NALCN: variants seen among roughly 807,000 people sequenced by gnomAD.
The protein encoded by NALCN is sodium leak channel, non-selective.
A neutral mutation model predicts 225.3 loss-of-function variants in NALCN; 111 were observed. The ratio of observed to expected loss-of-function variants is 0.49; its 90% CI spans 0.42 to 0.58. The LOEUF (loss-of-function observed/expected upper bound fraction) is 0.58. Among genes scored for constraint, NALCN ranks in the 20% least tolerant of loss-of-function variants. The probability of loss-of-function intolerance (pLI) is 0.00; values close to 1 mark genes in which losing one functional copy is unlikely to be tolerated. For synonymous variants in NALCN, 764 were observed against 769.0 expected (o/e 0.99, Z 0.11); for missense variants, 1,378 against 2,202.4 (o/e 0.63, Z 7.49).
chr13:101,318,171 C>T (rs976802337), intron 7 of NALCN, among the ~76,000 whole-genome samples: 2 of 152,196 alleles, frequency 1.3e-5, no homozygotes, highest in African/African-American at 2.4e-5. Context: ...ACCCGCTGGG[C>T]TCGTTCTGCC....
chr13:101,304,788 G>T lies in NALCN; in HGVS notation c.800-12422C>A, dbSNP rs368222105. 4.1e-3 allele frequency among the ~76,000 whole-genome samples: 494 copies of T among 119,386 alleles called. 2 individuals are homozygous for T. Among genetic ancestry groups the T allele is most frequent in the African/African-American group, 0.015 (449 of 30,056 alleles). The allele number at this position is 119,386 out of a possible 152,430, so 78.3% of individuals were successfully genotyped here. On this transcript the variant is annotated intron_variant, in intron 7 of 43. Coordinates refer to ENST00000251127, the MANE Select transcript of NALCN (RefSeq NM_052867.4). ...TTTTTTTTTTTTGAGACGGAATCTT[G>T]CTCTGTTGCCAGGCTAGGGTGCGGT...
intron 28 of NALCN, among the ~76,000 whole-genome samples, 182 bp from the exon 29 acceptor site, chr13:101,090,148 A>G (rs1277202085): frequency 6.6e-6 from 1 of 152,128 alleles, no homozygotes; most frequent in African/African-American, 2.4e-5. Context: ...ATGTATACAC[A>G]CACATTTTTA....
intron 15 of NALCN, among the ~76,000 whole-genome samples, chr13:101,166,729 T>C (rs1010527596): frequency 6.6e-6 from 1 of 152,224 alleles, no homozygotes; most frequent in East Asian, 1.9e-4. Flanking sequence ...CAAGTGTTTT[T>C]AAGTTTAATG....
At chr13:101,312,151 G>C (rs1268513690) in intron 7 of NALCN, among the ~76,000 whole-genome samples, 1 of 152,168 alleles carries the variant, frequency 6.6e-6, no homozygotes, top group Non-Finnish European at 1.5e-5. Flanking sequence ...TTTGCGTAGA[G>C]GTGTTTGTAA....
rs759613108 is a variant in NALCN, at chr13:101,103,355, T to G, written c.2890-16A>C. On this transcript the variant is annotated splice_polypyrimidine_tract_variant and intron_variant, in intron 25 of 43. Transcript: ENST00000251127. The stretch of plus-strand genomic sequence containing the variant: ...TCAAGCTCACCTAAAGGGGAACAAA[T>G]GATCTCTGGAATTTATACAATTCAT... 7 of 1,596,296 alleles carry G rather than the reference T, an allele frequency of 4.4e-6. No homozygotes were observed. Among genetic ancestry groups the G allele is most frequent in the Non-Finnish European group, 6.0e-6 (7 of 1,173,516 alleles).
intron 22 of NALCN, among the ~76,000 whole-genome samples, chr13:101,105,781 T>C (rs2035062236): frequency 1.3e-5 from 2 of 152,130 alleles, no homozygotes; most frequent in Admixed American, 6.6e-5. Context: ...GAAAGAACAA[T>C]AGTCTGGCAA....
intron 10 of NALCN, among the ~76,000 whole-genome samples, chr13:101,263,263 T>C (rs1435873533): frequency 1.3e-5 from 2 of 152,228 alleles, no homozygotes; most frequent in African/African-American, 2.4e-5. Flanking sequence ...AACATGTTTA[T>C]ATGCACATCA....
intron 37 of NALCN, among the ~76,000 whole-genome samples, chr13:101,070,288 G>C (rs573158297): frequency 3.2e-4 from 48 of 151,988 alleles, no homozygotes; most frequent in Non-Finnish European, 5.7e-4. Context: ...GGATGGTCTC[G>C]ATCTCCTGAC....
chr13:101,279,083 G>A (rs2043061076), intron 10 of NALCN, among the ~76,000 whole-genome samples: 1 of 151,774 alleles, frequency 6.6e-6, no homozygotes, highest in Non-Finnish European at 1.5e-5. Context: ...TAAAGTAATG[G>A]AATTTCCCCT....
At chr13:101,309,600 A>AGAG (rs1320646519) in intron 7 of NALCN, among the ~76,000 whole-genome samples, 18 of 152,194 alleles carry the variant, frequency 1.2e-4, no homozygotes, top group African/African-American at 3.4e-4. Flanking sequence ...GCAAGACTCT[A>AGAG]GTGTAATGCC....
At chr13:101,183,940 A>G (rs1351072062) in intron 14 of NALCN, among the ~76,000 whole-genome samples, 1 of 152,244 alleles carries the variant, frequency 6.6e-6, no homozygotes, top group East Asian at 1.9e-4. Context: ...AGAAAGCCAA[A>G]TATCTATTTT....
intron 17 of NALCN, among the ~76,000 whole-genome samples, chr13:101,134,960 C>G (rs2036699652): frequency 6.6e-6 from 1 of 152,056 alleles, no homozygotes; most frequent in South Asian, 2.1e-4. Flanking sequence ...TTTGGGAGGC[C>G]GAGGCGGGTG....
intron 9 of NALCN, 121 bp downstream of exon 9, chr13:101,291,869 A>T: frequency 1.0e-6 from 1 of 977,354 alleles, no homozygotes; most frequent in Non-Finnish European, 1.6e-6. Context: ...ATTTTTAAAC[A>T]GCTTCCTGAG....
At chr13:101,213,830 T>C (rs1420652258) in intron 13 of NALCN, among the ~76,000 whole-genome samples, 2 of 152,124 alleles carry the variant, frequency 1.3e-5, no homozygotes, top group Admixed American at 1.3e-4. Context: ...TAGGAACACT[T>C]TTACACTGTT....
chr13:101,311,123 C>T (rs11069438), intron 7 of NALCN, among the ~76,000 whole-genome samples: 86,247 of 147,206 alleles, frequency 0.59, 25,705 homozygotes, highest in East Asian at 0.77. Context: ...TTTGAAGCAA[C>T]TGTGAATGGG....
At chr13:101,324,592 A>G (rs1049349003) in intron 7 of NALCN, among the ~76,000 whole-genome samples, 1 of 152,128 alleles carries the variant, frequency 6.6e-6, no homozygotes, top group African/African-American at 2.4e-5. Context: ...TTATTGGTGT[A>G]TAGGAATGCT....
In NALCN at chr13:101,283,837, A is replaced by T. The variant is rs1322777495; in HGVS notation, c.1134+96T>A. 4.8e-6 allele frequency: 5 copies of T among 1,042,338 alleles called. No individual in the cohort carries two copies. The African/African-American group carries it at 8.2e-5, about 17-fold the overall frequency. 64.6% of individuals were successfully genotyped at this position (1,042,338 alleles called of 1,614,324 possible). The stretch of plus-strand genomic sequence containing the variant: ...TCTAACTTCAGGATTTTAAATTTGG[A>T]CAAATCTAGAGCTTAAAGAGCTGTG... On this transcript the variant is annotated intron_variant, in intron 10 of 43. Transcript: ENST00000251127.
chr13:101,083,706 G>C lies in NALCN; in HGVS notation c.3583+5C>G, dbSNP rs76150003. The stretch of plus-strand genomic sequence containing the variant: ...ACATGAATAAAATCAGAGCATTTTG[G>C]GTACCCGGGCGAGGCGGAAGATGAA... On this transcript the variant is annotated splice_donor_5th_base_variant and intron_variant, in intron 31 of 43. Transcript: ENST00000251127. 2.7e-5 allele frequency: 44 copies of C among 1,612,484 alleles called. No homozygotes were observed. Among genetic ancestry groups the C allele is most frequent in the Non-Finnish European group, 3.7e-5 (44 of 1,178,844 alleles).
intron 10 of NALCN, among the ~76,000 whole-genome samples, chr13:101,277,523 T>A (rs2043007338): frequency 6.6e-6 from 1 of 152,190 alleles, no homozygotes; most frequent in South Asian, 2.1e-4. Flanking sequence ...ACCTAGCAAG[T>A]AACATAATGA....
Sources: allele counts gnomAD v4.1 joint callset (sites outside exome capture counted in the v4.1 genomes callset), GRCh38; gene constraint gnomAD v4.1.1; transcripts MANE v1.5; gene names NCBI Gene and HGNC (gene_info 2026-07-23, HGNC 2026-07-21).